Variants in SEMA3A observed in about 807,000 individuals in gnomAD.
SEMA3A encodes semaphorin-3A.
In SEMA3A, 29 loss-of-function variants were observed where a neutral mutation model predicts 97.9. That is an observed-to-expected ratio of 0.30 (90% CI 0.22 to 0.40). SEMA3A has a LOEUF of 0.40. Ranked by LOEUF, SEMA3A falls within the 10% of genes least tolerant of loss-of-function variation. The pLI is 1.00. For missense variants in SEMA3A, 763 were observed against 951.3 expected, an observed-to-expected ratio of 0.80 and a Z score of 2.60; for synonymous variants, 321 against 323.7, an observed-to-expected ratio of 0.99 and a Z score of 0.09.
rs185862356 is a variant in SEMA3A at position 84,440,818 on chromosome 7, A to T, written c.-246+51642T>A. 3.6e-3 allele frequency among the ~76,000 whole-genome samples: 548 copies of T among 152,320 alleles called. 1 individual carries two copies. The highest frequency in any genetic ancestry group is 0.01 in the Middle Eastern group (3 of 294). ...ATTAGATTCAAATGTCCAGTTTTCA[A>T]CAAAAATTCACAACGCACACAAAGA... On this transcript the variant is annotated intron_variant, in intron 1 of 3. Transcript: ENST00000424555.
intron 5 of SEMA3A, among the ~76,000 whole-genome samples, chr7:84,050,748 C>A (rs1175164393): frequency 6.6e-6 from 1 of 152,116 alleles, no homozygotes. Context: ...CTTTTGTTGC[C>A]ATGGCTTTTG....
At chr7:84,220,448 C>G (rs1209741685) in intron 3 of SEMA3A, among the ~76,000 whole-genome samples, 1 of 152,128 alleles carries the variant, frequency 6.6e-6, no homozygotes, top group Non-Finnish European at 1.5e-5. Flanking sequence ...TTCATGGCAA[C>G]TAGAATTAAT....
At chr7:84,389,868 TA>T (rs1471032768) in intron 1 of SEMA3A, among the ~76,000 whole-genome samples, 2 of 152,088 alleles carry the variant, frequency 1.3e-5, no homozygotes, top group Non-Finnish European at 2.9e-5. Flanking sequence ...TGTAATCATC[TA>T]AAACTTTTTT....
chr7:84,428,308 T>G (rs1424393034), intron 1 of SEMA3A, among the ~76,000 whole-genome samples: 1 of 152,096 alleles, frequency 6.6e-6, no homozygotes, highest in Non-Finnish European at 1.5e-5. Flanking sequence ...TTATTATAAA[T>G]GTAAAATAAA....
intron 5 of SEMA3A, 56 bp downstream of exon 5, chr7:84,060,409 C>A (rs1263403756): frequency 8.1e-6 from 9 of 1,114,860 alleles, no homozygotes; most frequent in Non-Finnish European, 1.0e-5. Context: ...AAAGAACATA[C>A]AACCTGTTTG....
upstream of SEMA3A, among the ~76,000 whole-genome samples, chr7:84,199,695 TGAA>T (rs1395199467): frequency 6.6e-6 from 1 of 152,136 alleles, no homozygotes; most frequent in Non-Finnish European, 1.5e-5. Context: ...TCATTTTTAA[TGAA>T]GGTTTTTCTA....
chr7:84,341,649 C>T (rs1802174537), intron 2 of SEMA3A, among the ~76,000 whole-genome samples: 2 of 152,110 alleles, frequency 1.3e-5, no homozygotes, highest in Non-Finnish European at 2.9e-5. Flanking sequence ...CAGTATCTAT[C>T]TAAGCCTTCA....
intron 1 of SEMA3A, among the ~76,000 whole-genome samples, chr7:84,475,706 C>T (rs1028605407): frequency 6.6e-6 from 1 of 152,142 alleles, no homozygotes; most frequent in Admixed American, 6.5e-5. Flanking sequence ...TGTTAACTTA[C>T]AGATGATGAG....
intron 1 of SEMA3A, among the ~76,000 whole-genome samples, chr7:84,481,218 A>G (rs1027453851): frequency 3.3e-5 from 5 of 152,194 alleles, no homozygotes; most frequent in Non-Finnish European, 5.9e-5. Flanking sequence ...ACGAGGGCAA[A>G]TCTAAATCTT....
Position 83,985,430 on chromosome 7 carries a change from T to C in SEMA3A, c.1494+6A>G. On this transcript the variant is annotated splice_donor_region_variant and intron_variant, in intron 13 of 16. Transcript: ENST00000265362. ...GATATTCAATGGTAATACATAATGATAGTACCTGCTTAGTGGAAAGCTCCA... is the reference window on the plus strand; with the variant it reads ...GATATTCAATGGTAATACATAATGACAGTACCTGCTTAGTGGAAAGCTCCA... 1 of 1,600,282 alleles carries C rather than the reference T, an allele frequency of 6.2e-7. No homozygotes were observed. Among genetic ancestry groups the C allele is most frequent in the Non-Finnish European group, 8.6e-7 (1 of 1,168,354 alleles).
chr7:84,425,107 TA>T (rs1256608525), intron 1 of SEMA3A, among the ~76,000 whole-genome samples: 268 of 108,438 alleles, frequency 2.5e-3, no homozygotes, highest in African/African-American at 9.4e-3. Context: ...TAAATATAAA[TA>T]TATATTTATA....
rs762465901 is a variant in SEMA3A at position 84,011,270 on chromosome 7, C to T, written c.838G>A (p.Val280Met). The change falls in exon 8 of 17, where the codon GTG becomes ATG. Residue 280 changes from valine (V) to methionine (M), a missense_variant. Physicochemically the swap from Val to Met is conservative, Grantham distance 21. This residue lies in a region of SEMA3A where 678 missense variants were observed against 881.3 expected (regional missense o/e 0.77). Coordinates refer to ENST00000265362, the MANE Select transcript of SEMA3A (RefSeq NM_006080.3). ...KNDFGGHRSL[V>M]NKWTTFLKAR... Reference sequence around the variant, plus strand: ...TTGAGGAATGTTGTCCATTTATTCACCAGACTTCTGTGCCCTCCAAAGTCA... The same window carrying T: ...TTGAGGAATGTTGTCCATTTATTCATCAGACTTCTGTGCCCTCCAAAGTCA... 1.7e-5 allele frequency: 28 copies of T among 1,613,682 alleles called. No individual in the cohort carries two copies. The African/African-American group carries it at 3.3e-4, about 19-fold the overall frequency.
At chr7:84,232,313 G>A (rs1011161946) in intron 3 of SEMA3A, among the ~76,000 whole-genome samples, 2 of 148,050 alleles carry the variant, frequency 1.4e-5, no homozygotes, top group Admixed American at 1.4e-4. Flanking sequence ...TGCAACTAAG[G>A]TCATATTTTG....
intron 15 of SEMA3A, among the ~76,000 whole-genome samples, chr7:83,965,152 C>G (rs6964737): frequency 0.27 from 40,680 of 150,440 alleles, 5,768 homozygotes; most frequent in Middle Eastern, 0.37. Flanking sequence ...TTTTAGCCAG[C>G]ATGGTCCCGA....
At chr7:84,150,693 A>T (rs1268740672) in intron 1 of SEMA3A, among the ~76,000 whole-genome samples, 2 of 152,150 alleles carry the variant, frequency 1.3e-5, no homozygotes, top group Non-Finnish European at 2.9e-5. Flanking sequence ...AGGCTTGATT[A>T]GGTAAACAAA....
intron 3 of SEMA3A, among the ~76,000 whole-genome samples, chr7:84,227,669 T>C (rs1180539180): frequency 1.3e-5 from 2 of 151,956 alleles, no homozygotes; most frequent in Admixed American, 6.6e-5. Flanking sequence ...ATGCCTGGGG[T>C]GTGGTGAGAT....
intron 4 of SEMA3A, among the ~76,000 whole-genome samples, chr7:84,102,772 G>T (rs2115906520): frequency 1.3e-5 from 2 of 151,814 alleles, no homozygotes; most frequent in South Asian, 4.2e-4. Context: ...GTAGAGATGG[G>T]ATTTCACCAT....
Position 83,984,608 on chromosome 7 carries a change from C to CTTTT in SEMA3A, c.1494+824_1494+827dup, listed in dbSNP as rs371082897. Reference sequence around the variant, plus strand: ...CCCTACTTCATTCTGGATTTTTCTGCTTTTTTTTTTTTTTTTTTTTTTTGA... The same window carrying CTTTT: ...CCCTACTTCATTCTGGATTTTTCTGCTTTTTTTTTTTTTTTTTTTTTTTTTTTGA... On this transcript the variant is annotated intron_variant, in intron 13 of 16. Coordinates refer to ENST00000265362, the MANE Select transcript of SEMA3A (RefSeq NM_006080.3). Among the ~76,000 whole-genome samples the CTTTT allele has an allele frequency of 2.8e-3, 277 of 98,876 alleles. 2 individuals are homozygous for CTTTT. Among genetic ancestry groups the CTTTT allele is most frequent in the East Asian group, 4.2e-3 (12 of 2,828 alleles). 64.9% of individuals were successfully genotyped at this position (98,876 alleles called of 152,430 possible).
intron 10 of SEMA3A, among the ~76,000 whole-genome samples, chr7:84,006,339 A>C (rs1315601056): frequency 6.6e-6 from 1 of 152,056 alleles, no homozygotes; most frequent in Non-Finnish European, 1.5e-5. Context: ...CATAATGCTA[A>C]AAAAGTACCA....
Sources: gnomAD v4.1 joint callset for allele counts (sites outside exome capture counted in the v4.1 genomes callset) on GRCh38, gnomAD v4.1.1 for gene constraint, gnomAD v4.1.1 regional missense constraint, MANE v1.5 for transcripts, NCBI Gene and HGNC (gene_info 2026-07-23, HGNC 2026-07-21) for gene names.